Variants in RTKN observed in about 807,000 individuals in gnomAD.
The protein encoded by RTKN is rhotekin.
In RTKN, 49 loss-of-function variants were observed where a neutral mutation model predicts 63.5. That is an observed-to-expected ratio of 0.77 (90% CI 0.61 to 0.98). RTKN has a LOEUF of 0.98. RTKN is among the 50% of genes least tolerant of loss of function. The pLI, the probability that RTKN is intolerant of heterozygous loss-of-function variation, is 0.00. For missense variants in RTKN, 685 were observed against 740.8 expected, an observed-to-expected ratio of 0.92 and a Z score of 0.87; for synonymous variants, 295 against 290.4, an observed-to-expected ratio of 1.02 and a Z score of -0.16.
intron 8 of RTKN, 67 bp downstream of exon 8, chr2:74,428,564 T>C: frequency 1.3e-6 from 2 of 1,539,642 alleles, no homozygotes; most frequent in East Asian, 4.6e-5. Context: ...TTAGCTCTTC[T>C]ATTCCTGGTT....
In RTKN at chr2:74,427,438, A is replaced by T; in HGVS notation, c.1241T>A (p.Leu414His). ...TTCTCTCTTACTCATGTCAAAGAAA[A>T]GCTGCCACAGAGCCTCCATCCAGCT... ...LQSWMEALWQ[L>H]FFDMSQWKQC... Residue 414 changes from leucine (L) to histidine (H), a missense_variant, in exon 10 of 12, where the codon CTT becomes CAT. Coordinates refer to ENST00000272430, the MANE Select transcript of RTKN (RefSeq NM_001015055.2). 6.2e-7 allele frequency: 1 copy of T among 1,614,112 alleles called. No individual in the cohort carries two copies. The highest frequency in any genetic ancestry group is 8.5e-7 in the Non-Finnish European group (1 of 1,180,006).
rs748368037 is a variant in RTKN, at chr2:74,426,295, C to G, written c.1640G>C (p.Arg547Thr). 3.2e-5 allele frequency: 52 copies of G among 1,613,982 alleles called. No homozygotes were observed. In the East Asian group the frequency reaches 1.1e-3, roughly 35 times the overall value. ...AGGTTGGCCTTTGCTGCAGAGGCCT[C>G]TGGTCCGTGGGGATCGCTGAGGTGG... ...PLPPQRSPRT[R>T]GLCSKGQPRT... The change falls in exon 12 of 12, where the codon AGA becomes ACA. Residue 547 changes from arginine to threonine, a missense_variant. Physicochemically the swap from Arg to Thr is moderately conservative, Grantham distance 71. Transcript: ENST00000272430.
intron 2 of RTKN, chr2:74,430,882 A>T: frequency 1.7e-6 from 1 of 587,824 alleles, no homozygotes; most frequent in Non-Finnish European, 3.0e-6. Flanking sequence ...AGGGACACTC[A>T]AGCCACATTA....
rs1035382520 is a variant in RTKN at position 74,436,431 on chromosome 2, C to G, written c.112-3765G>C. 6.6e-6 allele frequency among the ~76,000 whole-genome samples: 1 copy of G among 152,186 alleles called. No individual in the cohort carries two copies. The highest frequency in any genetic ancestry group is 2.4e-5 in the African/African-American group (1 of 41,454). Reference sequence around the variant, plus strand: ...GCTGGAGGTCCCTCCGGGCACCTGGCTGGGCTTGGCTCAAGGCGGTGCCTC... The same window carrying G: ...GCTGGAGGTCCCTCCGGGCACCTGGGTGGGCTTGGCTCAAGGCGGTGCCTC... On this transcript the variant is annotated intron_variant, in intron 1 of 11. Transcript: ENST00000272430. This position sits in a 1 kb window ranked among gnomAD's most constrained non-coding sequence, Gnocchi z 4.3.
At chr2:74,432,952 A>T (rs13404296) in intron 1 of RTKN, among the ~76,000 whole-genome samples, 4,230 of 152,144 alleles carry the variant, frequency 0.028, 213 homozygotes, top group African/African-American at 0.096. Flanking sequence ...CCTCTAAAAA[A>T]ATATATAACA....
In RTKN at chr2:74,441,789, C is replaced by G; in HGVS notation, c.28G>C (p.Val10Leu). The G allele has an allele frequency of 3.7e-6, 6 of 1,611,490 alleles. No individual in the cohort carries two copies. Among genetic ancestry groups the G allele is most frequent in the Non-Finnish European group, 4.2e-6 (5 of 1,179,452 alleles). ...AGGGCGGAGCCCCTGGCCACGGTGA[C>G]CCGGCTCCGGTGGTTTCGGGAGAAC... The part of the protein sequence containing the change: MFSRNHRSR[V>L]TVARGSALEM... The change falls in exon 1 of 12, where the codon GTC (valine) becomes CTC (leucine). Residue 10 changes from valine to leucine, a missense_variant. Transcript: ENST00000272430.
chr2:74,427,724 AC>A, intron 9 of RTKN, 132 bp from the exon 10 acceptor site: 1 of 956,552 alleles, frequency 1.0e-6, no homozygotes, highest in Non-Finnish European at 1.6e-6. Context: ...CCTCCTACTG[AC>A]CAGAGTAGGA....
Position 74,441,783 on chromosome 2 carries a change from C to T in RTKN, c.34G>A (p.Val12Met), listed in dbSNP as rs1450350507. 2 of 1,611,510 alleles carry T rather than the reference C, an allele frequency of 1.2e-6. No homozygotes were observed. Among genetic ancestry groups the T allele is most frequent in the African/African-American group, 1.3e-5 (1 of 74,920 alleles). Reference protein sequence around the residue: ...FSRNHRSRVTVARGSALEMEF... With the variant: ...FSRNHRSRVTMARGSALEMEF... Reference sequence around the variant, plus strand: ...ATCTCCAGGGCGGAGCCCCTGGCCACGGTGACCCGGCTCCGGTGGTTTCGG... The same window carrying T: ...ATCTCCAGGGCGGAGCCCCTGGCCATGGTGACCCGGCTCCGGTGGTTTCGG... Residue 12 changes from valine to methionine, a missense_variant, in exon 1 of 12, where the codon GTG (valine) becomes ATG (methionine). Val to Met is a conservative substitution (Grantham distance 21). Coordinates refer to ENST00000272430, the MANE Select transcript of RTKN (RefSeq NM_001015055.2).
chr2:74,441,819 T>G lies in RTKN; in HGVS notation c.-3A>C. The stretch of plus-strand genomic sequence containing the variant: ...CTCCGGTGGTTTCGGGAGAACATGC[T>G]GGCGGCCCTGCGACTTTGCCTGCTC... On this transcript the variant is annotated 5_prime_UTR_variant, in exon 1 of 12. Transcript: ENST00000272430. 1 of 1,600,106 alleles carries G rather than the reference T, an allele frequency of 6.2e-7. No individual in the cohort carries two copies. Among genetic ancestry groups the G allele is most frequent in the Non-Finnish European group, 8.5e-7 (1 of 1,172,206 alleles).
Position 74,441,906 on chromosome 2 carries a change from G to C in RTKN, c.-90C>G. The C allele has an allele frequency of 1.3e-6, 1 of 744,376 alleles. No individual in the cohort carries two copies. The highest frequency in any genetic ancestry group is 2.2e-6 in the Non-Finnish European group (1 of 447,574). 46.1% of individuals were successfully genotyped at this position (744,376 alleles called of 1,614,324 possible). A position where few individuals can be genotyped will look rare whatever the true frequency, so the allele number is the denominator to read the frequency against. ...CCTCGGCTTCTGTCTCTCGACGCTC[G>C]TCCGCCAGTCCGGCCGGGAATCTCC... On this transcript the variant is annotated 5_prime_UTR_variant, in exon 1 of 12. Coordinates refer to ENST00000272430, the MANE Select transcript of RTKN (RefSeq NM_001015055.2).
At chr2:74,428,804 C>G in intron 7 of RTKN, 44 bp downstream of exon 7, 2 of 1,605,806 alleles carry the variant, frequency 1.2e-6, no homozygotes, top group Non-Finnish European at 1.7e-6. Context: ...AGCCCCTCTT[C>G]TCACCATCAC....
chr2:74,426,799 G>A (rs535353976), intron 11 of RTKN: 2 of 1,354,760 alleles, frequency 1.5e-6, no homozygotes, highest in African/African-American at 1.5e-5. Context: ...GGATGGGAAG[G>A]GGAGGAGTGG....
At chr2:74,441,641 G>T in intron 1 of RTKN, 65 bp downstream of exon 1, 1 of 1,192,548 alleles carries the variant, frequency 8.4e-7, no homozygotes, top group South Asian at 1.3e-5. Flanking sequence ...AGGGAAGGAG[G>T]CCGAGGTGGC....
At chr2:74,441,649 G>T in intron 1 of RTKN, 57 bp downstream of exon 1, 4 of 1,305,708 alleles carry the variant, frequency 3.1e-6, no homozygotes, top group Non-Finnish European at 4.3e-6. Context: ...AGGCCGAGGT[G>T]GCTGGGGCTG....
At position 74,426,343 on chromosome 2, in the gene RTKN, C is replaced by T. The variant is rs754318797; in HGVS notation, c.1592G>A (p.Arg531Lys). 1.9e-6 allele frequency: 3 copies of T among 1,613,080 alleles called. No individual in the cohort carries two copies. Among genetic ancestry groups the T allele is most frequent in the Non-Finnish European group, 2.5e-6 (3 of 1,179,420 alleles). The change falls in exon 12 of 12, where the codon AGG (arginine) becomes AAG (lysine). Residue 531 changes from arginine (R) to lysine (K), a missense_variant. By Grantham distance (26) the Arg-to-Lys change is conservative. Transcript: ENST00000272430. ...LDAVPPDHSP[R>K]ARSVAPLPPQ... ...TGGGAGGGGGGCAACCGAGCGAGCC[C>T]TAGGGGAGTGGTCTGGGGGGACAGC...
chr2:74,432,718 C>T (rs776636083), intron 1 of RTKN, 52 bp from the exon 2 acceptor site: 3 of 1,533,630 alleles, frequency 2.0e-6, no homozygotes, highest in Non-Finnish European at 2.7e-6. Context: ...AGTGGACAGG[C>T]TAAAGCACTC....
chr2:74,427,302 G>A (rs1443337821), intron 10 of RTKN, 29 bp from the exon 11 acceptor site: 4 of 1,610,716 alleles, frequency 2.5e-6, no homozygotes, highest in African/African-American at 2.7e-5. Flanking sequence ...TTAAAAGAGA[G>A]AGCCAGGCTG....
rs1354380776 is a variant in RTKN, at chr2:74,427,169, C to A, written c.1360G>T (p.Ala454Ser). Residue 454 changes from alanine to serine, a missense_variant and splice_region_variant, in exon 11 of 12, where the codon GCT (alanine) becomes TCT (serine). Coordinates refer to ENST00000272430, the MANE Select transcript of RTKN (RefSeq NM_001015055.2). The part of the protein sequence containing the change: ...AKQGSLYHEM[A>S]IEPLDDIAAV... ...TGGAGTTCACATTCCTCTCACTTACCCATCTCATGGTACAAGGACCCCTGC... is the reference window on the plus strand; with the variant it reads ...TGGAGTTCACATTCCTCTCACTTACACATCTCATGGTACAAGGACCCCTGC... The A allele has an allele frequency of 6.2e-7, 1 of 1,613,050 alleles. No individual in the cohort carries two copies. Among genetic ancestry groups the A allele is most frequent in the East Asian group, 2.2e-5 (1 of 44,868 alleles).
intron 9 of RTKN, chr2:74,427,820 T>G: frequency 1.8e-6 from 1 of 551,128 alleles, no homozygotes; most frequent in Admixed American, 3.3e-5. Flanking sequence ...AAAAAGGGAT[T>G]GAGCAAGGCA....
Sources: gnomAD v4.1 joint callset for allele counts (sites outside exome capture counted in the v4.1 genomes callset) on GRCh38, gnomAD v4.1.1 for gene constraint, Gnocchi (gnomAD v3.1) non-coding constraint, MANE v1.5 for transcripts, NCBI Gene and HGNC (gene_info 2026-07-23, HGNC 2026-07-21) for gene names.